The following KAZN variants were observed in gnomAD, a reference collection of about 807,000 sequenced individuals.
KAZN encodes kazrin, periplakin interacting protein.
In KAZN, 40 loss-of-function variants were observed where a neutral mutation model predicts 87.4. The ratio of observed to expected loss-of-function variants is 0.46; its 90% CI spans 0.36 to 0.60. The LOEUF (loss-of-function observed/expected upper bound fraction) is 0.60. Ranked by LOEUF, KAZN falls within the 20% of genes least tolerant of loss-of-function variation. The probability of loss-of-function intolerance (pLI) is 0.00; values close to 1 mark genes in which losing one functional copy is unlikely to be tolerated. For missense variants in KAZN, 898 were observed against 1,073.9 expected (o/e 0.84, Z 2.29); for synonymous variants, 466 against 458.3 (o/e 1.02, Z -0.22).
At chr1:14,427,774 A>G (rs780464874) in intron 2 of KAZN, among the ~76,000 whole-genome samples, 1 of 152,176 alleles carries the variant, frequency 6.6e-6, no homozygotes, top group Non-Finnish European at 1.5e-5. Flanking sequence ...ACAAAGCAAA[A>G]TTATACAAGT....
At chr1:14,656,264 C>T (rs1282057016) in intron 1 of KAZN, among the ~76,000 whole-genome samples, 2 of 152,156 alleles carry the variant, frequency 1.3e-5, no homozygotes, top group African/African-American at 4.8e-5. Flanking sequence ...CTCTCAGAGT[C>T]GGATGACCCA....
At chr1:15,030,994 G>C (rs1382689792) in intron 2 of KAZN, among the ~76,000 whole-genome samples, 4 of 152,230 alleles carry the variant, frequency 2.6e-5, no homozygotes, top group African/African-American at 9.6e-5. Context: ...ACTGGGCCAG[G>C]AGCTCAGATC....
At chr1:14,701,662 T>C (rs1641928071) in intron 1 of KAZN, among the ~76,000 whole-genome samples, 1 of 152,110 alleles carries the variant, frequency 6.6e-6, no homozygotes, top group Non-Finnish European at 1.5e-5. Flanking sequence ...CCAGGTACAG[T>C]GATGAGCACC....
In KAZN at chr1:14,343,242, G is replaced by A. The variant is rs760539244; in HGVS notation, c.249+162650G>A. ...CTGTTTTCTGATGGAAGTCAAAACC[G>A]TCAATTTGGGAGAGCATTGATAGTT... On this transcript the variant is annotated intron_variant, in intron 2 of 16. Transcript: ENST00000636203. 3.1e-4 allele frequency among the ~76,000 whole-genome samples: 47 copies of A among 152,110 alleles called. 1 individual carries two copies. The highest frequency in any genetic ancestry group is 2.1e-4 in the Non-Finnish European group (14 of 68,020).
intron 2 of KAZN, among the ~76,000 whole-genome samples, chr1:14,962,224 G>A (rs1663961777): frequency 6.6e-6 from 1 of 152,234 alleles, no homozygotes. Flanking sequence ...GTCCTCAGCT[G>A]AGGGTGAGCC....
chr1:15,098,892 A>G (rs1226719704), intron 10 of KAZN, among the ~76,000 whole-genome samples: 1 of 152,238 alleles, frequency 6.6e-6, no homozygotes, highest in East Asian at 1.9e-4. Flanking sequence ...GGCCCTGGAC[A>G]TTCACAGATA....
intron 8 of KAZN, among the ~76,000 whole-genome samples, chr1:15,078,359 C>A (rs1031241553): frequency 6.6e-6 from 1 of 151,928 alleles, no homozygotes; most frequent in African/African-American, 2.4e-5. Flanking sequence ...GAGCCGAGAT[C>A]GTGCCACTGT....
chr1:13,948,345 A>G (rs1641221190), intron 1 of KAZN, among the ~76,000 whole-genome samples: 1 of 152,128 alleles, frequency 6.6e-6, no homozygotes, highest in Non-Finnish European at 1.5e-5. Context: ...TTCCCCTGAT[A>G]GTGATCAAGT....
intron 4 of KAZN, among the ~76,000 whole-genome samples, chr1:15,046,769 G>A (rs1278261776): frequency 6.6e-6 from 1 of 152,206 alleles, no homozygotes. Context: ...GACTTCTGGG[G>A]TCCAGGGGGT....
At position 15,094,789 on chromosome 1, in the gene KAZN, C is replaced by G. The variant is rs1170852522; in HGVS notation, c.1429-26C>G. 3 of 1,524,068 alleles carry G rather than the reference C, an allele frequency of 2.0e-6. No homozygotes were observed. The African/African-American group carries it at 4.1e-5, about 21-fold the overall frequency. The allele number at this position is 1,524,068 out of a possible 1,614,324, so 94.4% of individuals were successfully genotyped here. Reference sequence around the variant, plus strand: ...CCCCGCCGGCAGCTGTCCCAGCCCCCATATGACACTCCCTCCCGGGGGCAG... The same window carrying G: ...CCCCGCCGGCAGCTGTCCCAGCCCCGATATGACACTCCCTCCCGGGGGCAG... On this transcript the variant is annotated intron_variant, in intron 9 of 14. Coordinates refer to ENST00000376030, the MANE Select transcript of KAZN (RefSeq NM_201628.3). This position sits in a 1 kb window ranked among gnomAD's most constrained non-coding sequence, Gnocchi z 4.5.
In KAZN at chr1:14,081,079, A is replaced by G. The variant is rs189796045; in HGVS notation, c.92-99356A>G. Among the ~76,000 whole-genome samples, 420 of 151,650 alleles carry G rather than the reference A, an allele frequency of 2.8e-3. 5 individuals are homozygous for G. Among genetic ancestry groups the G allele is most frequent in the African/African-American group, 9.8e-3 (407 of 41,364 alleles). The stretch of plus-strand genomic sequence containing the variant: ...TTATCCAATGGATACATCTCTTTCC[A>G]TCACTCTATGGACACACATGGTGTT... On this transcript the variant is annotated intron_variant, in intron 1 of 16. Transcript: ENST00000636203.
chr1:14,721,039 A>C (rs1643071711), intron 1 of KAZN, among the ~76,000 whole-genome samples: 1 of 152,166 alleles, frequency 6.6e-6, no homozygotes, highest in African/African-American at 2.4e-5. Flanking sequence ...TGCAAAGAGC[A>C]CTATCTATTT....
chr1:14,737,952 A>G (rs975243671), intron 1 of KAZN, among the ~76,000 whole-genome samples: 4 of 152,168 alleles, frequency 2.6e-5, no homozygotes. Flanking sequence ...CAAAGTCAAC[A>G]GTGGTAATGT....
intron 2 of KAZN, among the ~76,000 whole-genome samples, chr1:14,205,943 A>G (rs576158017): frequency 4.2e-5 from 6 of 143,472 alleles, no homozygotes; most frequent in African/African-American, 1.3e-4. Context: ...AATGGGTGCA[A>G]CACACCAACG....
intron 1 of KAZN, among the ~76,000 whole-genome samples, chr1:14,793,062 G>T (rs1645726282): frequency 6.6e-6 from 1 of 152,078 alleles, no homozygotes; most frequent in Non-Finnish European, 1.5e-5. Flanking sequence ...GCCCAGGCAG[G>T]TGTGTGTGTG....
At chr1:14,805,235 T>C (rs1025737197) in intron 1 of KAZN, among the ~76,000 whole-genome samples, 4 of 152,158 alleles carry the variant, frequency 2.6e-5, no homozygotes, top group African/African-American at 9.7e-5. Flanking sequence ...CATGAGGTTG[T>C]CCAGAGACCC....
intron 1 of KAZN, among the ~76,000 whole-genome samples, chr1:14,819,118 T>G (rs16850905): frequency 0.016 from 2,384 of 152,300 alleles, 64 homozygotes; most frequent in African/African-American, 0.054. Flanking sequence ...TTTTCTGCCC[T>G]CAAGAAATGA....
chr1:13,922,330 C>T (rs75985170), intron 1 of KAZN, among the ~76,000 whole-genome samples: 5,376 of 152,204 alleles, frequency 0.035, 439 homozygotes, highest in East Asian at 0.33. Flanking sequence ...TTGAAAGCTA[C>T]GTCTGTGTTT....
intron 2 of KAZN, among the ~76,000 whole-genome samples, chr1:14,370,676 G>A (rs1156334731): frequency 6.6e-6 from 1 of 152,208 alleles, no homozygotes; most frequent in Admixed American, 6.5e-5. Context: ...GAGTCATGAA[G>A]TTAATTTGTA....
Sources: gnomAD v4.1 joint callset for allele counts (sites outside exome capture counted in the v4.1 genomes callset) on GRCh38, gnomAD v4.1.1 for gene constraint, Gnocchi (gnomAD v3.1) non-coding constraint, MANE v1.5 for transcripts, NCBI Gene and HGNC (gene_info 2026-07-23, HGNC 2026-07-21) for gene names.